SHANK2: variants seen among roughly 807,000 people sequenced by gnomAD.
The protein encoded by SHANK2 is SH3 and multiple ankyrin repeat domains protein 2.
SHANK2 carries 43 observed loss-of-function variants against 133.7 expected under a neutral mutation model. The ratio of observed to expected loss-of-function variants is 0.32; its 90% confidence interval spans 0.25 to 0.41. The LOEUF (loss-of-function observed/expected upper bound fraction) is 0.41. Among genes scored for constraint, SHANK2 ranks in the 10% least tolerant of loss-of-function variants. SHANK2 has a pLI of 1.00. For synonymous variants in SHANK2, 1,017 were observed against 952.8 expected, an observed-to-expected ratio of 1.07 and a Z score of -1.24; for missense variants, 1,994 against 2,235.8, an observed-to-expected ratio of 0.89 and a Z score of 2.18.
At position 70,487,522 on chromosome 11, in the gene SHANK2, A is replaced by G. The variant is rs1292677795; in HGVS notation, c.2771T>C (p.Phe924Ser). 1 of 1,613,676 alleles carries G rather than the reference A, an allele frequency of 6.2e-7. No individual in the cohort carries two copies. The highest frequency in any genetic ancestry group is 8.5e-7 in the Non-Finnish European group (1 of 1,179,996). The part of the protein sequence containing the change: ...PRVYGTIKPA[F>S]NQNSAAKVSP... ...CACCTTGGCGGCAGAATTCTGATTG[A>G]ACGCAGGCTTAATCGTCCCGTAGAC... Residue 924 changes from phenylalanine (F) to serine (S), a missense_variant, in exon 25 of 26, where the codon TTC (phenylalanine) becomes TCC (serine). Around this residue, in one of 5 missense-constraint regions of SHANK2, gnomAD observed 488 missense variants for 642.6 expected, o/e 0.76. Transcript: ENST00000601538. This position sits in a 1 kb window ranked among gnomAD's most constrained non-coding sequence, Gnocchi z 5.8.
At chr11:70,814,071 C>A (rs1948335263) in intron 12 of SHANK2, among the ~76,000 whole-genome samples, 2 of 152,200 alleles carry the variant, frequency 1.3e-5, no homozygotes, top group African/African-American at 4.8e-5. Flanking sequence ...CCCCTGTAAT[C>A]CCAGCACTTT....
At chr11:70,724,881 A>G (rs1324624901) in intron 14 of SHANK2, among the ~76,000 whole-genome samples, 1 of 152,244 alleles carries the variant, frequency 6.6e-6, no homozygotes, top group Non-Finnish European at 1.5e-5. Context: ...AGCAACTTGC[A>G]GCTGATGCCC....
chr11:71,133,423 TGG>T (rs1952368104), intron 3 of SHANK2, among the ~76,000 whole-genome samples: 1 of 85,562 alleles, frequency 1.2e-5, no homozygotes, highest in Non-Finnish European at 2.2e-5. Flanking sequence ...GATGGACAGA[TGG>T]AGGGAGGGAG....
chr11:70,548,736 G>C (rs1246271452), intron 17 of SHANK2, among the ~76,000 whole-genome samples: 2 of 152,208 alleles, frequency 1.3e-5, no homozygotes, highest in Non-Finnish European at 2.9e-5. Context: ...GCCTGTGAGC[G>C]TGACCTTATT....
rs182398083 is a variant in SHANK2, at chr11:70,564,301, C to T, written c.2062-61370G>A. ...TGAGATGGAGTCTCACCCTGTTGCCCAGGCTGGAGTGCAGTGGTGCGATCT... is the reference window on the plus strand; with the variant it reads ...TGAGATGGAGTCTCACCCTGTTGCCTAGGCTGGAGTGCAGTGGTGCGATCT... On this transcript the variant is annotated intron_variant, in intron 17 of 25. Transcript: ENST00000601538. Among the ~76,000 whole-genome samples the T allele has an allele frequency of 2.5e-3, 383 of 151,796 alleles. 4 individuals are homozygous for T. The highest frequency in any genetic ancestry group is 9.1e-3 in the African/African-American group (374 of 41,310).
At chr11:71,206,702 G>T (rs1367947367) in intron 2 of SHANK2, among the ~76,000 whole-genome samples, 1 of 152,198 alleles carries the variant, frequency 6.6e-6, no homozygotes, top group African/African-American at 2.4e-5. Context: ...TTGCAAGGCC[G>T]AGGCAGGAGG....
chr11:70,501,956 A>G (rs1555158647), intron 19 of SHANK2, 25 bp from the exon 20 acceptor site: 1 of 1,555,568 alleles, frequency 6.4e-7, no homozygotes, highest in Non-Finnish European at 8.7e-7. Flanking sequence ...AAAAATTCAA[A>G]ACAAAACAAT....
At chr11:70,567,811 C>T (rs1554982194) in intron 17 of SHANK2, among the ~76,000 whole-genome samples, 1 of 152,290 alleles carries the variant, frequency 6.6e-6, no homozygotes, top group East Asian at 1.9e-4. Flanking sequence ...ACTGTCCCAG[C>T]CACCCTGTCT....
At chr11:71,092,398 G>C (rs546198708) in intron 8 of SHANK2, 24 bp downstream of exon 8, 4 of 1,550,252 alleles carry the variant, frequency 2.6e-6, no homozygotes, top group Admixed American at 3.9e-5. Flanking sequence ...GGGTACAACA[G>C]AGTGGAGAAG....
intron 14 of SHANK2, among the ~76,000 whole-genome samples, chr11:70,718,989 G>C (rs1555028271): frequency 6.6e-6 from 1 of 152,276 alleles, no homozygotes; most frequent in African/African-American, 2.4e-5. Flanking sequence ...TGGAAATCAG[G>C]GTCATGAGAA....
chr11:70,477,783 C>T (rs2058682338), intron 25 of SHANK2, among the ~76,000 whole-genome samples: 1 of 152,222 alleles, frequency 6.6e-6, no homozygotes, highest in Non-Finnish European at 1.5e-5. Flanking sequence ...GTGTGAGACG[C>T]AGGGTGAAGG....
intron 2 of SHANK2, among the ~76,000 whole-genome samples, chr11:71,206,041 C>T (rs556516604): frequency 2.6e-5 from 4 of 152,270 alleles, no homozygotes; most frequent in African/African-American, 9.6e-5. Flanking sequence ...CCGTGTGCCC[C>T]GCGCCAGCCT....
rs2060012095 is a variant in SHANK2 at position 70,569,264 on chromosome 11, G to A, written c.2062-66333C>T. 6.6e-6 allele frequency among the ~76,000 whole-genome samples: 1 copy of A among 152,204 alleles called. No homozygotes were observed. The highest frequency in any genetic ancestry group is 6.5e-5 in the Admixed American group (1 of 15,284). Reference sequence around the variant, plus strand: ...GTGTGTAGTGACCCCAGGGGAGGCTGGTGGCTAAGCCATGCCGCTGGGGTC... The same window carrying A: ...GTGTGTAGTGACCCCAGGGGAGGCTAGTGGCTAAGCCATGCCGCTGGGGTC... On this transcript the variant is annotated intron_variant, in intron 17 of 25. Coordinates refer to ENST00000601538, the MANE Select transcript of SHANK2 (RefSeq NM_012309.5). The surrounding 1 kb of genome is among the most constrained non-coding windows in gnomAD (Gnocchi z 5.1).
intron 10 of SHANK2, among the ~76,000 whole-genome samples, chr11:70,917,137 C>G (rs1351903826): frequency 6.6e-6 from 1 of 151,670 alleles, no homozygotes; most frequent in South Asian, 2.1e-4. Context: ...CAGCCTACTC[C>G]AAACATCACA....
chr11:70,541,299 G>T (rs2059619029), intron 17 of SHANK2, among the ~76,000 whole-genome samples: 1 of 152,212 alleles, frequency 6.6e-6, no homozygotes, highest in Non-Finnish European at 1.5e-5. Flanking sequence ...CAGCCTGGCT[G>T]CACCTCTAAG....
intron 2 of SHANK2, among the ~76,000 whole-genome samples, chr11:71,190,112 C>T (rs782337224): frequency 9.2e-5 from 14 of 152,242 alleles, no homozygotes; most frequent in Non-Finnish European, 1.5e-4. Context: ...AGGGCCCCAA[C>T]CCCACGACTG....
intron 2 of SHANK2, among the ~76,000 whole-genome samples, chr11:71,197,643 G>A (rs565982957): frequency 6.6e-6 from 1 of 152,318 alleles, no homozygotes; most frequent in South Asian, 2.1e-4. Context: ...GAACCTGGCA[G>A]GCATTTTATT....
At position 70,938,528 on chromosome 11, in the gene SHANK2, T is replaced by A. The variant is rs541589688; in HGVS notation, c.1108-41961A>T. 5.9e-5 allele frequency among the ~76,000 whole-genome samples: 9 copies of A among 152,348 alleles called. No individual in the cohort carries two copies. In the South Asian group the frequency reaches 8.3e-4, roughly 14 times the overall value. On this transcript the variant is annotated intron_variant, in intron 10 of 25. Coordinates refer to ENST00000601538, the MANE Select transcript of SHANK2 (RefSeq NM_012309.5). The stretch of plus-strand genomic sequence containing the variant: ...TATAAAAATACATATATGTGTCATT[T>A]TGCTCACTAAGATTTAGCCAAAGAA...
chr11:71,100,401 T>C (rs74609782), intron 6 of SHANK2, among the ~76,000 whole-genome samples: 3,130 of 152,314 alleles, frequency 0.021, 30 homozygotes, highest in East Asian at 0.047. Flanking sequence ...ACATTATCCA[T>C]TGCACATGCA....
Sources: allele counts gnomAD v4.1 joint callset (sites outside exome capture counted in the v4.1 genomes callset), GRCh38; gene constraint gnomAD v4.1.1; regional missense constraint gnomAD v4.1.1; non-coding constraint Gnocchi (gnomAD v3.1); transcripts MANE v1.5; gene names NCBI Gene and HGNC (gene_info 2026-07-23, HGNC 2026-07-21).